Variants in DAGLA observed in about 807,000 individuals in gnomAD.
The protein encoded by DAGLA is diacylglycerol lipase-alpha.
DAGLA carries 22 observed loss-of-function variants against 102.6 expected under a neutral mutation model. The ratio of observed to expected loss-of-function variants is 0.21; its 90% CI spans 0.15 to 0.31. The LOEUF is 0.31. Ranked by LOEUF, DAGLA falls within the 10% of genes least tolerant of loss-of-function variation. The pLI is 1.00. For synonymous variants in DAGLA, 578 were observed against 628.9 expected (o/e 0.92, Z 1.21); for missense variants, 927 against 1,446.6 (o/e 0.64, Z 5.83).
intron 1 of DAGLA, among the ~76,000 whole-genome samples, chr11:61,696,332 G>A (rs1403309899): frequency 6.6e-6 from 1 of 152,166 alleles, no homozygotes; most frequent in Admixed American, 6.5e-5. Flanking sequence ...GGAGAGTGGG[G>A]GTGGAGGTGC....
Position 61,741,307 on chromosome 11 carries a change from C to G in DAGLA, c.2129C>G (p.Ala710Gly). The G allele has an allele frequency of 1.2e-6, 2 of 1,611,604 alleles. No individual in the cohort carries two copies. The highest frequency in any genetic ancestry group is 8.5e-7 in the Non-Finnish European group (1 of 1,179,960). Residue 710 changes from alanine (A) to glycine (G), a missense_variant, in exon 19 of 20, where the codon GCC (alanine) becomes GGC (glycine). Ala to Gly is a moderately conservative substitution (Grantham distance 60). Around this residue, in one of 4 missense-constraint regions of DAGLA, gnomAD observed 434 missense variants for 503.3 expected, o/e 0.86. Coordinates refer to ENST00000257215, the MANE Select transcript of DAGLA (RefSeq NM_006133.3). The stretch of plus-strand genomic sequence containing the variant: ...GGGCCGCCCATGCCCACTGGCCTTG[C>G]CCTGGAGCTGCCGACTGCAGACCAC... ...PTGPPMPTGL[A>G]LELPTADHRN...
intron 15 of DAGLA, among the ~76,000 whole-genome samples, 169 bp downstream of exon 15, chr11:61,737,924 G>T (rs540831812): frequency 6.6e-6 from 1 of 151,496 alleles, no homozygotes; most frequent in African/African-American, 2.4e-5. Flanking sequence ...CCAGGTGAAC[G>T]CACGTGCTGG....
At chr11:61,685,227 G>T (rs182144461) in intron 1 of DAGLA, among the ~76,000 whole-genome samples, 2 of 152,266 alleles carry the variant, frequency 1.3e-5, no homozygotes, top group Non-Finnish European at 2.9e-5. Context: ...TAAAACCTCC[G>T]AGAGCCGAAT....
chr11:61,727,612 A>T (rs1208094085), intron 6 of DAGLA, among the ~76,000 whole-genome samples: 4 of 152,180 alleles, frequency 2.6e-5, no homozygotes, highest in African/African-American at 9.7e-5. Context: ...TGGGCCAGAG[A>T]GTACACCCCC....
chr11:61,696,301 T>A (rs1305750180), intron 1 of DAGLA, among the ~76,000 whole-genome samples: 1 of 152,164 alleles, frequency 6.6e-6, no homozygotes, highest in Non-Finnish European at 1.5e-5. Context: ...TGACAGCGAT[T>A]CCCATGGAGT....
chr11:61,704,560 A>G (rs376851536), intron 1 of DAGLA, among the ~76,000 whole-genome samples: 5 of 151,980 alleles, frequency 3.3e-5, no homozygotes, highest in African/African-American at 1.2e-4. Context: ...TCTAGTTTCT[A>G]TGGCTTGCCT....
Position 61,684,027 on chromosome 11 carries a change from G to A in DAGLA, c.-45+3523G>A, listed in dbSNP as rs1393129567. 6.6e-6 allele frequency among the ~76,000 whole-genome samples: 1 copy of A among 152,208 alleles called. No homozygotes were observed. The highest frequency in any genetic ancestry group is 2.4e-5 in the African/African-American group (1 of 41,450). The stretch of plus-strand genomic sequence containing the variant: ...ATAAATCACAGTGCCTGGCTGCTGT[G>A]CTTTAGGGGTGCCGGGGAGCCAGGC... On this transcript the variant is annotated intron_variant, in intron 1 of 19. Coordinates refer to ENST00000257215, the MANE Select transcript of DAGLA (RefSeq NM_006133.3). This position sits in a 1 kb window ranked among gnomAD's most constrained non-coding sequence, Gnocchi z 4.5.
chr11:61,693,202 G>T (rs2065038402), intron 1 of DAGLA, among the ~76,000 whole-genome samples: 1 of 151,844 alleles, frequency 6.6e-6, no homozygotes, highest in Non-Finnish European at 1.5e-5. Flanking sequence ...CACCATGTTG[G>T]CCAGGCTGGT....
At chr11:61,731,140 T>C (rs1222347096) in intron 8 of DAGLA, among the ~76,000 whole-genome samples, 177 bp from the exon 9 acceptor site, 2 of 152,162 alleles carry the variant, frequency 1.3e-5, no homozygotes, top group Non-Finnish European at 2.9e-5. Flanking sequence ...GAAATGCAAT[T>C]ATCACCTGGA....
chr11:61,700,117 G>C (rs912616851), intron 1 of DAGLA, among the ~76,000 whole-genome samples: 1 of 152,214 alleles, frequency 6.6e-6, no homozygotes, highest in Non-Finnish European at 1.5e-5. Flanking sequence ...CCAGGGCAGC[G>C]GCAGCAGCAG....
chr11:61,725,914 C>A, intron 5 of DAGLA, 81 bp from the exon 6 acceptor site: 1 of 1,302,014 alleles, frequency 7.7e-7, no homozygotes, highest in Non-Finnish European at 1.1e-6. Context: ...GAACAGCCTG[C>A]CCTGTTTCCA....
chr11:61,710,176 A>T (rs928613493), intron 1 of DAGLA, among the ~76,000 whole-genome samples: 1 of 152,092 alleles, frequency 6.6e-6, no homozygotes, highest in Non-Finnish European at 1.5e-5. Context: ...CTCTCAAGGA[A>T]GTTCTGAGAA....
chr11:61,716,074 C>T (rs1230114032), intron 1 of DAGLA, among the ~76,000 whole-genome samples: 1 of 152,158 alleles, frequency 6.6e-6, no homozygotes, highest in Admixed American at 6.5e-5. Flanking sequence ...GAGCCACTGT[C>T]TCAGCCCTTG....
In DAGLA at chr11:61,728,275, C is replaced by A; in HGVS notation, c.759C>A (p.Ala253=). 1.2e-6 allele frequency: 2 copies of A among 1,611,784 alleles called. No homozygotes were observed. The highest frequency in any genetic ancestry group is 1.1e-5 in the South Asian group (1 of 91,030). The change falls in exon 7 of 20, where the codon GCC becomes GCA. Residue 253 remains alanine (A), a synonymous_variant. Transcript: ENST00000257215. ...LRQRQRAKRN[A]VLDEANNDIL... ...AGCGGCAGCGGGCCAAGCGCAACGC[C>A]GTGCTGGACGAGGTGAGCACCACCA...
chr11:61,722,432 A>G (rs1044742438), intron 3 of DAGLA, among the ~76,000 whole-genome samples: 3 of 152,316 alleles, frequency 2.0e-5, no homozygotes, highest in African/African-American at 7.2e-5. Context: ...CTAAAAATAC[A>G]AAAATTAGCT....
At chr11:61,730,178 AG>A (rs780882443) in intron 8 of DAGLA, among the ~76,000 whole-genome samples, 1 of 151,944 alleles carries the variant, frequency 6.6e-6, no homozygotes, top group Non-Finnish European at 1.5e-5. Flanking sequence ...CCACATCCAT[AG>A]TAAGTGCCCC....
chr11:61,681,533 A>G (rs141374779), intron 1 of DAGLA, among the ~76,000 whole-genome samples: 16 of 152,176 alleles, frequency 1.1e-4, no homozygotes, highest in African/African-American at 3.6e-4. Flanking sequence ...CGCACCATCT[A>G]TCTGTAGTCA....
At chr11:61,717,433 G>A (rs2065244438) in intron 1 of DAGLA, among the ~76,000 whole-genome samples, 1 of 152,124 alleles carries the variant, frequency 6.6e-6, no homozygotes, top group African/African-American at 2.4e-5. Flanking sequence ...CGGGAGGGGT[G>A]GCTGGTCCAG....
chr11:61,681,354 G>T (rs1411406657), intron 1 of DAGLA, among the ~76,000 whole-genome samples: 1 of 152,174 alleles, frequency 6.6e-6, no homozygotes, highest in South Asian at 2.1e-4. Context: ...AGGCACTACC[G>T]TTGTCCTGGG....
Sources: allele counts gnomAD v4.1 joint callset (sites outside exome capture counted in the v4.1 genomes callset), GRCh38; gene constraint gnomAD v4.1.1; regional missense constraint gnomAD v4.1.1; non-coding constraint Gnocchi (gnomAD v3.1); transcripts MANE v1.5; gene names NCBI Gene and HGNC (gene_info 2026-07-23, HGNC 2026-07-21).